Variants in QSER1 observed in about 807,000 individuals in gnomAD.
QSER1 encodes glutamine and serine-rich protein 1.
QSER1 carries 49 observed loss-of-function variants against 158.5 expected under a neutral mutation model. That is an observed-to-expected ratio of 0.31 (90% CI 0.25 to 0.39). The LOEUF is 0.39. QSER1 is among the 10% of genes least tolerant of loss of function. The pLI is 1.00. For missense variants in QSER1, 1,754 were observed against 2,010.3 expected, an observed-to-expected ratio of 0.87 and a Z score of 2.44; for synonymous variants, 650 against 715.5, an observed-to-expected ratio of 0.91 and a Z score of 1.46.
intron 1 of QSER1, among the ~76,000 whole-genome samples, chr11:32,905,612 TG>T (rs1851682248): frequency 6.6e-6 from 1 of 152,244 alleles, no homozygotes; most frequent in Non-Finnish European, 1.5e-5. Flanking sequence ...TTAATACCTT[TG>T]TATTACTTTT....
intron 12 of QSER1, 79 bp downstream of exon 12, chr11:32,975,422 TTAA>T (rs1163555836): frequency 6.3e-7 from 1 of 1,576,840 alleles, no homozygotes; most frequent in East Asian, 2.3e-5. Context: ...TTGGAGTGTT[TTAA>T]AGAGAGTTGT....
At chr11:32,965,288 T>A (rs1002569540) in intron 8 of QSER1, among the ~76,000 whole-genome samples, 14 of 151,776 alleles carry the variant, frequency 9.2e-5, no homozygotes, top group African/African-American at 1.9e-4. Flanking sequence ...TAATTTATAT[T>A]TTTTTTAATT....
rs746528148 is a variant in QSER1 at position 32,934,026 on chromosome 11, T to C, written c.2768T>C (p.Met923Thr). The stretch of plus-strand genomic sequence containing the variant: ...CTCCATCCTCAAAATTCTGAAGTTA[T>C]GAAAATGGACCTCTCTGAGTCTTCA... ...QQLHPQNSEV[M>T]KMDLSESSKP... Residue 923 changes from methionine (M) to threonine (T), a missense_variant, in exon 4 of 13, where the codon ATG (methionine) becomes ACG (threonine). Around this residue, in one of 2 missense-constraint regions of QSER1, gnomAD observed 1,707 missense variants for 1,919.6 expected, o/e 0.89. Coordinates refer to ENST00000650167, the MANE Select transcript of QSER1 (RefSeq NM_001076786.3). The C allele has an allele frequency of 8.1e-6, 13 of 1,613,558 alleles. No individual in the cohort carries two copies. In the Admixed American group the frequency reaches 1.2e-4, roughly 14 times the overall value.
At chr11:32,918,901 T>A (rs1021424608) in intron 1 of QSER1, among the ~76,000 whole-genome samples, 14 of 152,158 alleles carry the variant, frequency 9.2e-5, no homozygotes, top group Non-Finnish European at 1.0e-4. Context: ...ACTTCATTTT[T>A]GGGAACTGTT....
At chr11:32,950,824 TTATC>T (rs1358525639) in intron 4 of QSER1, among the ~76,000 whole-genome samples, 1 of 152,244 alleles carries the variant, frequency 6.6e-6, no homozygotes, top group Non-Finnish European at 1.5e-5. Context: ...TTTTCAGGGT[TTATC>T]TATGCTGTAG....
rs868517758 is a variant in QSER1 at position 32,979,455 on chromosome 11, C to T, written c.*2981C>T. 9 of 152,298 alleles carry T rather than the reference C, an allele frequency of 5.9e-5. No homozygotes were observed. Among genetic ancestry groups the T allele is most frequent in the Middle Eastern group, 3.4e-3 (1 of 294 alleles). 9.4% of individuals were successfully genotyped at this position (152,298 alleles called of 1,614,324 possible). A position where few individuals can be genotyped will look rare whatever the true frequency, so the allele number is the denominator to read the frequency against. On this transcript the variant is annotated 3_prime_UTR_variant, in exon 13 of 13. Transcript: ENST00000650167. ...CATTTTCATTATAACCCAATTTCCA[C>T]TTATTTGAACTCTTAAGTCATAAAT...
intron 1 of QSER1, among the ~76,000 whole-genome samples, chr11:32,902,930 G>A (rs1052912814): frequency 2.6e-5 from 4 of 152,230 alleles, no homozygotes; most frequent in Non-Finnish European, 4.4e-5. Flanking sequence ...GTAAGTGGCA[G>A]AGGCAGGATT....
chr11:32,922,479 ATTTTTT>A (rs57185302), intron 1 of QSER1, among the ~76,000 whole-genome samples: 15 of 97,142 alleles, frequency 1.5e-4, no homozygotes, highest in African/African-American at 3.4e-4. Flanking sequence ...AGAATGGCTA[ATTTTTT>A]TTTTTTTTTT....
At chr11:32,939,673 A>G (rs1852200924) in intron 4 of QSER1, among the ~76,000 whole-genome samples, 1 of 152,106 alleles carries the variant, frequency 6.6e-6, no homozygotes, top group Non-Finnish European at 1.5e-5. Flanking sequence ...TTCTGTTTTC[A>G]AGGCTTTTGC....
chr11:32,952,493 G>A, intron 4 of QSER1, among the ~76,000 whole-genome samples: 1 of 152,266 alleles, frequency 6.6e-6, no homozygotes, highest in East Asian at 1.9e-4. Context: ...CTTTTTGTAT[G>A]TTGGTGGATT....
intron 1 of QSER1, among the ~76,000 whole-genome samples, chr11:32,900,917 T>TC (rs1851616680): frequency 6.6e-6 from 1 of 152,196 alleles, no homozygotes; most frequent in South Asian, 2.1e-4. Flanking sequence ...ATTCTCACTC[T>TC]CTGGAGTAAT....
rs541376300 is a variant in QSER1 at position 32,979,646 on chromosome 11, T to G, written c.*3172T>G. The stretch of plus-strand genomic sequence containing the variant: ...TTGAAAATTCTAAACTTCTTTCTGT[T>G]TCCAAAACTTGAAAATATGTAGATG... On this transcript the variant is annotated 3_prime_UTR_variant, in exon 13 of 13. Transcript: ENST00000650167. 6.6e-6 allele frequency: 1 copy of G among 152,326 alleles called. No individual in the cohort carries two copies. The highest frequency in any genetic ancestry group is 2.1e-4 in the South Asian group (1 of 4,822). 9.4% of individuals were successfully genotyped at this position (152,326 alleles called of 1,614,324 possible).
At chr11:32,905,913 T>C (rs541259628) in intron 1 of QSER1, among the ~76,000 whole-genome samples, 71 of 152,254 alleles carry the variant, frequency 4.7e-4, no homozygotes, top group Non-Finnish European at 9.3e-4. Flanking sequence ...GATAGTAAAC[T>C]TGTGTGTTAT....
At chr11:32,903,543 A>T (rs1018721110) in intron 1 of QSER1, among the ~76,000 whole-genome samples, 1 of 151,552 alleles carries the variant, frequency 6.6e-6, no homozygotes, top group Admixed American at 6.6e-5. Context: ...CTAACTTTTG[A>T]AATGAGAAGA....
intron 1 of QSER1, among the ~76,000 whole-genome samples, chr11:32,901,956 G>A (rs188902136): frequency 1.3e-5 from 2 of 152,300 alleles, no homozygotes; most frequent in African/African-American, 2.4e-5. Flanking sequence ...GGTGGCATGC[G>A]CCTGTGGTCC....
intron 8 of QSER1, among the ~76,000 whole-genome samples, chr11:32,958,910 T>A (rs983970466): frequency 4.6e-5 from 7 of 152,194 alleles, no homozygotes; most frequent in Admixed American, 2.6e-4. Context: ...GTTGAAATAA[T>A]TTGTTATCAA....
chr11:32,921,232 G>T (rs1489846620), intron 1 of QSER1, among the ~76,000 whole-genome samples: 2 of 152,178 alleles, frequency 1.3e-5, no homozygotes, highest in Non-Finnish European at 2.9e-5. Context: ...TTTAGTGAAA[G>T]AAGCCAGTCA....
Position 32,932,089 on chromosome 11 carries a change from AT to A in QSER1, c.834del (p.Phe278LeufsTer57). ...CTGCACCCCATCTTTTACAACCTCA[AT>A]TTAGTTTGTTGCCTTCAGCACTTGG... ...ESAPHLLQPQ[F>X]SLLPSALGGS... On this transcript the variant is annotated frameshift_variant, in exon 4 of 13. Coordinates refer to ENST00000650167, the MANE Select transcript of QSER1 (RefSeq NM_001076786.3). LOFTEE classifies it high-confidence loss of function. 6.2e-7 allele frequency: 1 copy of A among 1,614,060 alleles called. No homozygotes were observed. The highest frequency in any genetic ancestry group is 8.5e-7 in the Non-Finnish European group (1 of 1,179,994).
chr11:32,937,437 A>AC (rs1852169142), intron 4 of QSER1, among the ~76,000 whole-genome samples: 1 of 151,996 alleles, frequency 6.6e-6, no homozygotes, highest in Non-Finnish European at 1.5e-5. Flanking sequence ...GGCACATGCC[A>AC]CCATGCCTGG....
Sources: allele counts gnomAD v4.1 joint callset (sites outside exome capture counted in the v4.1 genomes callset), GRCh38; gene constraint gnomAD v4.1.1; regional missense constraint gnomAD v4.1.1; transcripts MANE v1.5; gene names NCBI Gene and HGNC (gene_info 2026-07-23, HGNC 2026-07-21).